DIP2C: variants seen among roughly 807,000 people sequenced by gnomAD.
DIP2C encodes the protein disco-interacting protein 2 homolog C.
DIP2C carries 33 observed loss-of-function variants against 192.4 expected under a neutral mutation model. That is an observed-to-expected ratio of 0.17 (90% confidence interval 0.13 to 0.23). DIP2C has a LOEUF of 0.23. Among genes scored for constraint, DIP2C ranks in the 10% least tolerant of loss-of-function variants. DIP2C has a pLI of 1.00. For missense variants in DIP2C, 1,537 were observed against 2,110.1 expected (o/e 0.73, Z 5.32); for synonymous variants, 979 against 864.1 (o/e 1.13, Z -2.33).
At chr10:290,797 C>T (rs1955452434) in intron 32 of DIP2C, among the ~76,000 whole-genome samples, 1 of 152,228 alleles carries the variant, frequency 6.6e-6, no homozygotes, top group Admixed American at 6.5e-5. Flanking sequence ...TCAGCCAAAA[C>T]CGAGGGCTGT....
intron 1 of DIP2C, among the ~76,000 whole-genome samples, chr10:519,871 C>T (rs1255979896): frequency 6.6e-6 from 1 of 151,700 alleles, no homozygotes; most frequent in Non-Finnish European, 1.5e-5. Flanking sequence ...GGGGGAGGGG[C>T]CAGTATGGCC....
chr10:474,862 C>T (rs1179063320), intron 2 of DIP2C, among the ~76,000 whole-genome samples: 1 of 152,138 alleles, frequency 6.6e-6, no homozygotes, highest in Non-Finnish European at 1.5e-5. Flanking sequence ...CCTTTCTCTT[C>T]TCCTTCAATA....
intron 1 of DIP2C, among the ~76,000 whole-genome samples, chr10:625,710 A>C (rs74115083): frequency 0.16 from 24,461 of 152,242 alleles, 2,746 homozygotes; most frequent in African/African-American, 0.3. Context: ...AGTTCCAGTA[A>C]ATGCAAAGGC....
intron 1 of DIP2C, among the ~76,000 whole-genome samples, chr10:661,587 CT>C: frequency 6.6e-6 from 1 of 152,310 alleles, no homozygotes; most frequent in East Asian, 1.9e-4. Flanking sequence ...CGGCTCTGGG[CT>C]TTAGGGAACT....
At chr10:647,044 G>C (rs1855490384) in intron 1 of DIP2C, among the ~76,000 whole-genome samples, 1 of 152,212 alleles carries the variant, frequency 6.6e-6, no homozygotes, top group South Asian at 2.1e-4. Context: ...ACATTTGACA[G>C]TAGGAGAGAA....
At chr10:397,902 C>T (rs995088264) in intron 10 of DIP2C, among the ~76,000 whole-genome samples, 7 of 152,316 alleles carry the variant, frequency 4.6e-5, no homozygotes, top group African/African-American at 1.7e-4. Context: ...AGGGGTCGGA[C>T]ATGCCCCCCT....
intron 1 of DIP2C, among the ~76,000 whole-genome samples, chr10:549,625 C>T (rs995480925): frequency 6.6e-6 from 1 of 151,966 alleles, no homozygotes; most frequent in Non-Finnish European, 1.5e-5. Flanking sequence ...GGGAGGGGTG[C>T]CCCCGACCAG....
At position 341,294 on chromosome 10, in the gene DIP2C, G is replaced by A; in HGVS notation, c.3489C>T (p.Ser1163=). Residue 1163 remains serine, a synonymous_variant, in exon 29 of 37, where the codon TCC becomes TCT. Coordinates refer to ENST00000280886, the MANE Select transcript of DIP2C (RefSeq NM_014974.3). ...GGTAAAGTTCACACTGCAGCTTAATGGAACGGCAGAAGGCACTGGTGGCTG... is the reference window on the plus strand; with the variant it reads ...GGTAAAGTTCACACTGCAGCTTAATAGAACGGCAGAAGGCACTGGTGGCTG... The part of the protein sequence containing the change: ...SHAATSAFCR[S]IKLQCELYPS... 6.2e-7 allele frequency: 1 copy of A among 1,614,192 alleles called. No individual in the cohort carries two copies. Among genetic ancestry groups the A allele is most frequent in the African/African-American group, 1.3e-5 (1 of 75,054 alleles).
intron 16 of DIP2C, among the ~76,000 whole-genome samples, chr10:383,186 A>G (rs983993849): frequency 2.0e-5 from 3 of 152,232 alleles, no homozygotes; most frequent in African/African-American, 7.2e-5. Flanking sequence ...TTCTTTATGC[A>G]AGATGTATTG....
chr10:685,915 C>A (rs1198484437), intron 1 of DIP2C, among the ~76,000 whole-genome samples: 1 of 151,398 alleles, frequency 6.6e-6, no homozygotes, highest in Admixed American at 6.6e-5. Flanking sequence ...GAGTTGAGCT[C>A]ATACCACTGC....
At chr10:372,211 G>A (rs1175083638) in intron 17 of DIP2C, among the ~76,000 whole-genome samples, 1 of 152,042 alleles carries the variant, frequency 6.6e-6, no homozygotes, top group Non-Finnish European at 1.5e-5. Context: ...GAATAGCTGG[G>A]ACTACAGGCG....
At chr10:590,627 T>C (rs981445949) in intron 1 of DIP2C, among the ~76,000 whole-genome samples, 1 of 152,220 alleles carries the variant, frequency 6.6e-6, no homozygotes, top group Non-Finnish European at 1.5e-5. Flanking sequence ...CTACAATCTT[T>C]AAACAGAGCC....
chr10:681,757 G>A (rs866918505), intron 1 of DIP2C, among the ~76,000 whole-genome samples: 14 of 152,264 alleles, frequency 9.2e-5, no homozygotes, highest in Admixed American at 7.2e-4. Context: ...TGCAGTGATT[G>A]TGGAAGAGTT....
At chr10:531,120 GCT>G (rs1419184657) in intron 1 of DIP2C, among the ~76,000 whole-genome samples, 1 of 152,160 alleles carries the variant, frequency 6.6e-6, no homozygotes, top group Non-Finnish European at 1.5e-5. Flanking sequence ...GTCGTGACGC[GCT>G]GAGTCCACCT....
Position 532,574 on chromosome 10 carries a change from GGTGTGAGAGAGAGTATGGGT to G in DIP2C, c.86-46064_86-46045del, listed in dbSNP as rs1564824441. ...GAGTATGGGTGAGAGAGAGAGTATG[GGTGTGAGAGAGAGTATGGGT>G]GTGAGAGAGAGTATGGGTGTGAGAG... On this transcript the variant is annotated intron_variant, in intron 1 of 36. Transcript: ENST00000280886. Among the ~76,000 whole-genome samples the G allele has an allele frequency of 5.1e-4, 71 of 140,566 alleles. 5 individuals are homozygous for G. Among genetic ancestry groups the G allele is most frequent in the African/African-American group, 1.2e-3 (43 of 35,148 alleles). The allele number at this position is 140,566 out of a possible 152,430, so 92.2% of individuals were successfully genotyped here.
chr10:629,281 G>A (rs1854372435), intron 1 of DIP2C, among the ~76,000 whole-genome samples: 3 of 152,184 alleles, frequency 2.0e-5, no homozygotes, highest in Middle Eastern at 6.8e-3. Flanking sequence ...CTCTCCTGAG[G>A]ACAAAACTGC....
chr10:551,319 G>A (rs1848574828), intron 1 of DIP2C, among the ~76,000 whole-genome samples: 1 of 152,230 alleles, frequency 6.6e-6, no homozygotes. Flanking sequence ...GCAGGTGCCT[G>A]AGACACCCCA....
At chr10:594,961 A>G (rs753239601) in intron 1 of DIP2C, among the ~76,000 whole-genome samples, 1 of 152,192 alleles carries the variant, frequency 6.6e-6, no homozygotes, top group Non-Finnish European at 1.5e-5. Flanking sequence ...AAGGGAGAGG[A>G]GACAGAACAC....
rs200024219 is a variant in DIP2C, at chr10:347,842, C to T, written c.3231+799G>A. On this transcript the variant is annotated intron_variant, in intron 26 of 36. Transcript: ENST00000280886. Reference sequence around the variant, plus strand: ...ATCGCGCATAGCTCTCCTGGAAACCCCACACGCACCCAGACGCGTCGCGCA... The same window carrying T: ...ATCGCGCATAGCTCTCCTGGAAACCTCACACGCACCCAGACGCGTCGCGCA... Among the ~76,000 whole-genome samples the T allele has an allele frequency of 7.0e-4, 68 of 97,502 alleles. 2 individuals are homozygous for T. Among genetic ancestry groups the T allele is most frequent in the Middle Eastern group, 5.3e-3 (1 of 188 alleles). The allele number at this position is 97,502 out of a possible 152,430, so 64.0% of individuals were successfully genotyped here. A position where few individuals can be genotyped will look rare whatever the true frequency, so the allele number is the denominator to read the frequency against.
Sources: gnomAD v4.1 joint callset for allele counts (sites outside exome capture counted in the v4.1 genomes callset) on GRCh38, gnomAD v4.1.1 for gene constraint, MANE v1.5 for transcripts, NCBI Gene and HGNC (gene_info 2026-07-23, HGNC 2026-07-21) for gene names.